Variants in RNF144A observed in about 807,000 individuals in gnomAD.
RNF144A encodes the protein ring finger protein 144A, also known as E3 ubiquitin-protein ligase RNF144A.
In RNF144A, 11 loss-of-function variants were observed where a neutral mutation model predicts 38.7. The ratio of observed to expected loss-of-function variants is 0.28; its 90% confidence interval spans 0.18 to 0.47. The LOEUF is 0.47. Ranked by LOEUF, RNF144A falls within the 20% of genes least tolerant of loss-of-function variation. The pLI, the probability that RNF144A is intolerant of heterozygous loss-of-function variation, is 0.99. For missense variants in RNF144A, 316 were observed against 377.2 expected (o/e 0.84, Z 1.34); for synonymous variants, 149 against 143.9 (o/e 1.04, Z -0.25).
At chr2:6,965,055 C>G (rs57444893) in intron 2 of RNF144A, among the ~76,000 whole-genome samples, 138 of 152,290 alleles carry the variant, frequency 9.1e-4, no homozygotes, top group African/African-American at 3.2e-3. Context: ...GATTTCTGCA[C>G]ACAGAGGAGT....
At chr2:6,928,651 G>T (rs967197034) in intron 1 of RNF144A, among the ~76,000 whole-genome samples, 4 of 152,150 alleles carry the variant, frequency 2.6e-5, no homozygotes, top group African/African-American at 9.7e-5. Context: ...TGGCGACTGC[G>T]CATTCCTCAT....
At chr2:7,029,727 C>T (rs566176378) in intron 7 of RNF144A, among the ~76,000 whole-genome samples, 37 of 152,332 alleles carry the variant, frequency 2.4e-4, no homozygotes, top group South Asian at 1.0e-3. Context: ...CACACACAGC[C>T]GGAGCCAGCA....
Position 6,941,447 on chromosome 2 carries a change from A to G in RNF144A, c.-12+300A>G, listed in dbSNP as rs1055799687. ...CTGTTTTAGATCTCCCTGATTCACT[A>G]GAGAACACGTGGATTGAGCTCCTGC... On this transcript the variant is annotated intron_variant, in intron 2 of 8. Transcript: ENST00000320892. This position sits in a 1 kb window ranked among gnomAD's most constrained non-coding sequence, Gnocchi z 6.5. Among the ~76,000 whole-genome samples the G allele has an allele frequency of 2.0e-5, 3 of 152,222 alleles. No individual in the cohort carries two copies. Among genetic ancestry groups the G allele is most frequent in the Non-Finnish European group, 4.4e-5 (3 of 68,046 alleles).
At chr2:7,015,589 G>C (rs1671084067) in intron 5 of RNF144A, among the ~76,000 whole-genome samples, 1 of 152,206 alleles carries the variant, frequency 6.6e-6, no homozygotes, top group African/African-American at 2.4e-5. Context: ...TCCAGGAGAG[G>C]TCTTTAGCTC....
intron 6 of RNF144A, among the ~76,000 whole-genome samples, chr2:7,064,651 C>A (rs530118206): frequency 6.6e-6 from 1 of 152,154 alleles, no homozygotes; most frequent in African/African-American, 2.4e-5. Flanking sequence ...CCAACACAGG[C>A]TGTAGATTAA....
intron 6 of RNF144A, among the ~76,000 whole-genome samples, chr2:7,023,439 C>G (rs959717621): frequency 3.3e-5 from 5 of 152,142 alleles, no homozygotes; most frequent in African/African-American, 1.2e-4. Context: ...AAAGCTGCCC[C>G]GAGAAGGAGG....
chr2:6,992,302 G>C (rs559469300), intron 2 of RNF144A, among the ~76,000 whole-genome samples: 1 of 152,210 alleles, frequency 6.6e-6, no homozygotes, highest in Non-Finnish European at 1.5e-5. Flanking sequence ...GTCGGGGTTG[G>C]AGCCCAACCA....
At chr2:7,021,968 C>T (rs1306343346) in intron 6 of RNF144A, among the ~76,000 whole-genome samples, 1 of 152,238 alleles carries the variant, frequency 6.6e-6, no homozygotes, top group Non-Finnish European at 1.5e-5. Context: ...ATTCAGAAAT[C>T]TCATTTTGTG....
intron 2 of RNF144A, among the ~76,000 whole-genome samples, chr2:6,995,032 C>A (rs576511044): frequency 6.6e-6 from 1 of 152,218 alleles, no homozygotes; most frequent in South Asian, 2.1e-4. Context: ...TCCTTCTGGG[C>A]CAGACGTGTC....
At chr2:6,985,296 CAATG>C (rs1668883269) in intron 2 of RNF144A, among the ~76,000 whole-genome samples, 2 of 106,904 alleles carry the variant, frequency 1.9e-5, no homozygotes, top group African/African-American at 7.1e-5. Context: ...TTTTTTTTAA[CAATG>C]AGAAGATCGT....
chr2:7,021,965 A>G (rs1363220658), intron 6 of RNF144A, among the ~76,000 whole-genome samples: 1 of 152,252 alleles, frequency 6.6e-6, no homozygotes, highest in Non-Finnish European at 1.5e-5. Context: ...AAAATTCAGA[A>G]ATCTCATTTT....
chr2:7,019,173 C>T (rs1265662364), intron 5 of RNF144A, among the ~76,000 whole-genome samples: 1 of 152,196 alleles, frequency 6.6e-6, no homozygotes, highest in East Asian at 1.9e-4. Flanking sequence ...AAGCTAGACC[C>T]TACACAAGAT....
Position 6,941,844 on chromosome 2 carries a change from C to T in RNF144A, c.-12+697C>T, listed in dbSNP as rs1172729745. Among the ~76,000 whole-genome samples the T allele has an allele frequency of 6.6e-6, 1 of 152,208 alleles. No individual in the cohort carries two copies. Among genetic ancestry groups the T allele is most frequent in the African/African-American group, 2.4e-5 (1 of 41,464 alleles). ...AGGGCTGGTGGCTGCAGCATACGGA[C>T]AGCTGGAGGAGCACCCAGGCCAGCC... On this transcript the variant is annotated intron_variant, in intron 2 of 8. Coordinates refer to ENST00000320892, the MANE Select transcript of RNF144A (RefSeq NM_014746.6). This position sits in a 1 kb window ranked among gnomAD's most constrained non-coding sequence, Gnocchi z 6.5.
At chr2:6,919,345 T>C (rs1664381616) in intron 1 of RNF144A, among the ~76,000 whole-genome samples, 1 of 152,242 alleles carries the variant, frequency 6.6e-6, no homozygotes, top group African/African-American at 2.4e-5. Flanking sequence ...TATTCTCTTC[T>C]CCGGTACTGA....
chr2:6,982,827 C>T lies in RNF144A; in HGVS notation c.-11-14089C>T, dbSNP rs137980833. Reference sequence around the variant, plus strand: ...CTGCTGCAGTAACATTGGGATTCTTCGGGTTTCTGTGCTTGTTTTCTAAAA... The same window carrying T: ...CTGCTGCAGTAACATTGGGATTCTTTGGGTTTCTGTGCTTGTTTTCTAAAA... On this transcript the variant is annotated intron_variant, in intron 2 of 8. Transcript: ENST00000320892. 3.1e-3 allele frequency among the ~76,000 whole-genome samples: 476 copies of T among 152,300 alleles called. 2 individuals carry two copies. The highest frequency in any genetic ancestry group is 0.01 in the African/African-American group (419 of 41,550).
chr2:6,951,580 A>G (rs569208070), intron 2 of RNF144A, among the ~76,000 whole-genome samples: 2 of 152,286 alleles, frequency 1.3e-5, no homozygotes, highest in Admixed American at 1.3e-4. Context: ...TGGGATATTG[A>G]CTTTCTCATC....
intron 2 of RNF144A, among the ~76,000 whole-genome samples, chr2:6,970,940 C>CA (rs1271160151): frequency 6.6e-6 from 1 of 152,220 alleles, no homozygotes; most frequent in Non-Finnish European, 1.5e-5. Flanking sequence ...AAGTCATGTG[C>CA]AAAACTAAAC....
At chr2:6,932,273 C>A (rs117734873) in intron 1 of RNF144A, among the ~76,000 whole-genome samples, 2 of 152,218 alleles carry the variant, frequency 1.3e-5, no homozygotes, top group East Asian at 3.9e-4. Flanking sequence ...ATATCTTTTT[C>A]CATCCCTTTA....
intron 8 of RNF144A, among the ~76,000 whole-genome samples, 177 bp from the exon 9 acceptor site, chr2:7,039,452 G>A (rs1274595469): frequency 6.6e-6 from 1 of 151,812 alleles, no homozygotes; most frequent in Non-Finnish European, 1.5e-5. Context: ...GATATATGAT[G>A]GTTAATGGAT....
Sources: allele counts gnomAD v4.1 joint callset (sites outside exome capture counted in the v4.1 genomes callset), GRCh38; gene constraint gnomAD v4.1.1; non-coding constraint Gnocchi (gnomAD v3.1); transcripts MANE v1.5; gene names NCBI Gene and HGNC (gene_info 2026-07-23, HGNC 2026-07-21).